The following NEK3 variants were observed in gnomAD, a reference collection of about 807,000 sequenced individuals.
The protein encoded by NEK3 is serine/threonine-protein kinase Nek3.
Under a neutral mutation model 66.0 loss-of-function variants are expected in NEK3, and 54 were observed. That is an observed-to-expected ratio of 0.82 (90% confidence interval 0.66 to 1.03). The LOEUF (loss-of-function observed/expected upper bound fraction) is 1.03. Ranked by LOEUF, NEK3 falls within the 50% of genes least tolerant of loss-of-function variation. The pLI is 0.00. For missense variants in NEK3, 593 were observed against 603.0 expected (o/e 0.98, Z 0.17); for synonymous variants, 200 against 206.2 (o/e 0.97, Z 0.26).
chr13:52,151,141 C>T lies in NEK3; in HGVS notation c.548+5G>A, dbSNP rs761624157. On this transcript the variant is annotated splice_donor_5th_base_variant and intron_variant, in intron 7 of 15. Transcript: ENST00000610828. ...GCACCCTGACATCAAATATGCAGCA[C>T]TCACCTTTTATTGTTATAAGGCAGG... The T allele has an allele frequency of 1.9e-6, 3 of 1,601,926 alleles. No individual in the cohort carries two copies. In the South Asian group the frequency reaches 3.4e-5, roughly 18 times the overall value.
chr13:52,154,224 C>T lies in NEK3; in HGVS notation c.118-51G>A, dbSNP rs972304671. On this transcript the variant is annotated intron_variant, in intron 2 of 15. Coordinates refer to ENST00000610828, the MANE Select transcript of NEK3 (RefSeq NM_002498.3). ...AAACTTAATACTGCATTTTAAAATA[C>T]ATAACTTTACAATAACATGGTTTAT... 5.3e-5 allele frequency: 59 copies of T among 1,112,438 alleles called. 1 individual carries two copies. In the Admixed American group the frequency reaches 1.3e-3, roughly 25 times the overall value. The allele number at this position is 1,112,438 out of a possible 1,614,324, so 68.9% of individuals were successfully genotyped here.
At chr13:52,154,362 C>T (rs1956373842) in intron 2 of NEK3, among the ~76,000 whole-genome samples, 189 bp from the exon 3 acceptor site, 1 of 152,108 alleles carries the variant, frequency 6.6e-6, no homozygotes, top group African/African-American at 2.4e-5. Context: ...TATTTTCATG[C>T]TTGAGCTGAC....
chr13:52,156,024 A>G (rs563738089), intron 2 of NEK3, 51 bp downstream of exon 2: 1 of 1,237,282 alleles, frequency 8.1e-7, no homozygotes, highest in South Asian at 1.4e-5. Flanking sequence ...TTATTCTTTT[A>G]TATAAACTGC....
intron 8 of NEK3, among the ~76,000 whole-genome samples, chr13:52,145,398 G>A (rs1956285918): frequency 6.6e-6 from 1 of 152,076 alleles, no homozygotes; most frequent in Admixed American, 6.6e-5. Flanking sequence ...TGACCTCCTG[G>A]GCTCAAGCGA....
intron 9 of NEK3, among the ~76,000 whole-genome samples, chr13:52,144,208 G>A (rs1454132721): frequency 6.6e-6 from 1 of 152,210 alleles, no homozygotes; most frequent in Non-Finnish European, 1.5e-5. Context: ...GAGGTCAGGA[G>A]TTTGAGACCA....
At chr13:52,150,304 AAC>A (rs1322943857) in intron 7 of NEK3, among the ~76,000 whole-genome samples, 1 of 152,226 alleles carries the variant, frequency 6.6e-6, no homozygotes, top group Admixed American at 6.5e-5. Flanking sequence ...TAAGGCCAAC[AAC>A]AGAGGGATTA....
chr13:52,156,471 A>T (rs890880634), intron 1 of NEK3: 1 of 283,112 alleles, frequency 3.5e-6, no homozygotes, highest in African/African-American at 2.2e-5. Context: ...GCAGGGCATA[A>T]ATTTTCCTAT....
rs369549970 is a variant in NEK3 at position 52,144,706 on chromosome 13, C to T, written c.789G>A (p.Lys263=). Residue 263 remains lysine (K), a synonymous_variant, in exon 9 of 16, where the codon AAG becomes AAA. Coordinates refer to ENST00000610828, the MANE Select transcript of NEK3 (RefSeq NM_002498.3). ...CAGATCATACCTCGGGGGGTAAGCA[C>T]TTCTGGACAAGCCGAGCTACGATGC... ...SRGIVARLVQ[K]CLPPEIIMEY... 2.2e-5 allele frequency: 36 copies of T among 1,613,846 alleles called. 1 individual carries two copies. In the East Asian group the frequency reaches 2.9e-4, roughly 13 times the overall value.
At chr13:52,142,331 C>T (rs1041845069) in intron 10 of NEK3, among the ~76,000 whole-genome samples, 1 of 150,918 alleles carries the variant, frequency 6.6e-6, no homozygotes, top group Non-Finnish European at 1.5e-5. Flanking sequence ...GGCTGGAGTG[C>T]AGTGGCGCAA....
chr13:52,133,879 GAT>G, intron 14 of NEK3, 64 bp from the exon 15 acceptor site: 1 of 1,500,214 alleles, frequency 6.7e-7, no homozygotes. Context: ...CATGCAGTTT[GAT>G]TAAAATCCTC....
rs527421484 is a variant in NEK3, at chr13:52,156,194, T to C, written c.-3A>G. Reference sequence around the variant, plus strand: ...CTCAGGACCATGTAGTCATCCATGCTGGGGCATCCACACAGCTGGGCTCCA... The same window carrying C: ...CTCAGGACCATGTAGTCATCCATGCCGGGGCATCCACACAGCTGGGCTCCA... On this transcript the variant is annotated 5_prime_UTR_variant, in exon 2 of 16. Coordinates refer to ENST00000610828, the MANE Select transcript of NEK3 (RefSeq NM_002498.3). The C allele has an allele frequency of 1.3e-6, 2 of 1,573,186 alleles. No homozygotes were observed. Among genetic ancestry groups the C allele is most frequent in the African/African-American group, 1.3e-5 (1 of 74,234 alleles).
Position 52,144,750 on chromosome 13 carries a change from T to C in NEK3, c.745A>G (p.Thr249Ala), listed in dbSNP as rs761760019. ...ACGATGCCTCGAGAGAGAAGCGTTG[T>C]AGCCGAGGGGCGATGTGAGGGATTC... ...KRNPSHRPSA[T>A]TLLSRGIVAR... The change falls in exon 9 of 16, where the codon ACA (threonine) becomes GCA (alanine). Residue 249 changes from threonine to alanine, a missense_variant. Coordinates refer to ENST00000610828, the MANE Select transcript of NEK3 (RefSeq NM_002498.3). 4 of 1,613,952 alleles carry C rather than the reference T, an allele frequency of 2.5e-6. No homozygotes were observed. The highest frequency in any genetic ancestry group is 3.4e-6 in the Non-Finnish European group (4 of 1,179,882).
intron 10 of NEK3, 77 bp downstream of exon 10, chr13:52,143,838 A>C (rs1956271253): frequency 1.3e-6 from 1 of 780,144 alleles, no homozygotes; most frequent in African/African-American, 1.8e-5. Flanking sequence ...AATAACTTAA[A>C]AATTATACAT....
chr13:52,144,608 T>G (rs994816808), intron 9 of NEK3, 83 bp downstream of exon 9: 4 of 1,089,808 alleles, frequency 3.7e-6, no homozygotes, highest in Admixed American at 4.3e-5. Flanking sequence ...GATGAGCACA[T>G]GTAATGTATA....
intron 8 of NEK3, among the ~76,000 whole-genome samples, chr13:52,146,001 G>C (rs905407975): frequency 5.3e-5 from 8 of 152,150 alleles, no homozygotes; most frequent in African/African-American, 1.9e-4. Flanking sequence ...GTTTGAAAAT[G>C]TTTTCTGCTG....
In NEK3 at chr13:52,136,180, T is replaced by C. The variant is rs765713600; in HGVS notation, c.1110A>G (p.Thr370=). 1.9e-6 allele frequency: 3 copies of C among 1,613,866 alleles called. No homozygotes were observed. The Admixed American group carries it at 5.0e-5, about 27-fold the overall frequency. Residue 370 remains threonine (T), a synonymous_variant, in exon 13 of 16, where the codon ACA becomes ACG. Transcript: ENST00000610828. The stretch of plus-strand genomic sequence containing the variant: ...ATGCATTTTCCAAAGCTGTAAGAGC[T>C]GTATTGGGTACATTTTTCTCCCACT... ...RRQWEKNVPN[T]ALTALENASI...
intron 15 of NEK3, 150 bp downstream of exon 15, chr13:52,133,539 T>TA (rs961310224): frequency 3.3e-5 from 37 of 1,118,090 alleles, no homozygotes; most frequent in Admixed American, 2.3e-4. Context: ...AAGATCAGGA[T>TA]ATAAATATCC....
chr13:52,141,147 T>G (rs547367153), intron 10 of NEK3, 78 bp from the exon 11 acceptor site: 1 of 1,342,048 alleles, frequency 7.5e-7, no homozygotes, highest in Non-Finnish European at 1.0e-6. Context: ...ATGATTTTCA[T>G]ACAGCTGGAG....
At chr13:52,157,364 T>G (rs1420240114) in intron 1 of NEK3, 1 of 151,960 alleles carries the variant, frequency 6.6e-6, no homozygotes, top group Non-Finnish European at 1.5e-5. Flanking sequence ...TAAGAACAGT[T>G]GACAGGATTT....
Sources: gnomAD v4.1 joint callset for allele counts (sites outside exome capture counted in the v4.1 genomes callset) on GRCh38, gnomAD v4.1.1 for gene constraint, MANE v1.5 for transcripts, NCBI Gene and HGNC (gene_info 2026-07-23, HGNC 2026-07-21) for gene names.